Variants in DYSF observed in about 807,000 individuals in gnomAD.
DYSF encodes the protein dystrophy-associated fer-1-like 1.
Under a neutral mutation model 274.9 loss-of-function variants are expected in DYSF, and 212 were observed. The ratio of observed to expected loss-of-function variants is 0.77; its 90% CI spans 0.69 to 0.86. DYSF has a LOEUF of 0.86. Ranked by LOEUF, DYSF falls within the 40% of genes least tolerant of loss-of-function variation. The pLI is 0.00. For synonymous variants in DYSF, 1,091 were observed against 1,078.7 expected (o/e 1.01, Z -0.22); for missense variants, 2,666 against 2,783.2 (o/e 0.96, Z 0.95).
At chr2:71,567,174 A>G (rs1395837299) in intron 24 of DYSF, among the ~76,000 whole-genome samples, 1 of 152,168 alleles carries the variant, frequency 6.6e-6, no homozygotes, top group Non-Finnish European at 1.5e-5. Flanking sequence ...TTTTTGTTTC[A>G]TGTTGGGTTG....
In DYSF at chr2:71,520,313, T is replaced by C. The variant is rs778182285; in HGVS notation, c.1033+105T>C. On this transcript the variant is annotated intron_variant, in intron 11 of 55. Transcript: ENST00000410020. ...TGTCCCTCCTGGGGGTTTTAGAATC[T>C]AGAGGAAGGGTTTGATCTTGGGAGA... 3.1e-4 allele frequency: 385 copies of C among 1,246,318 alleles called. 1 individual carries two copies. The highest frequency in any genetic ancestry group is 3.9e-4 in the Non-Finnish European group (334 of 845,738). The allele number at this position is 1,246,318 out of a possible 1,614,324, so 77.2% of individuals were successfully genotyped here.
intron 17 of DYSF, among the ~76,000 whole-genome samples, chr2:71,543,924 AGGAGAG>A (rs200785100): frequency 0.036 from 5,074 of 139,804 alleles, 139 homozygotes; most frequent in Middle Eastern, 0.066. Flanking sequence ...GGGAGGGAGA[AGGAGAG>A]GGAGAGGGAG....
intron 22 of DYSF, among the ~76,000 whole-genome samples, chr2:71,558,683 A>T (rs2091501883): frequency 6.6e-6 from 1 of 152,064 alleles, no homozygotes; most frequent in Admixed American, 6.5e-5. Flanking sequence ...CTGCCTACAA[A>T]CAGTTCTGGC....
intron 45 of DYSF, among the ~76,000 whole-genome samples, chr2:71,662,293 A>C (rs963042389): frequency 8.5e-5 from 13 of 152,118 alleles, no homozygotes; most frequent in African/African-American, 2.9e-4. Flanking sequence ...TTCTGCTCAC[A>C]TTGAGCTCAG....
At chr2:71,514,731 TA>T (rs2086474857) in intron 7 of DYSF, among the ~76,000 whole-genome samples, 2 of 152,354 alleles carry the variant, frequency 1.3e-5, no homozygotes, top group Admixed American at 6.5e-5. Context: ...ATTTCTATTC[TA>T]AATCATGGTA....
chr2:71,628,732 T>C (rs2094256807), intron 41 of DYSF, among the ~76,000 whole-genome samples: 1 of 152,070 alleles, frequency 6.6e-6, no homozygotes, highest in African/African-American at 2.4e-5. Flanking sequence ...AGGCAGATCA[T>C]TGAGCTCAGG....
chr2:71,460,261 A>G (rs1243264797), intron 1 of DYSF, among the ~76,000 whole-genome samples: 1 of 152,160 alleles, frequency 6.6e-6, no homozygotes, highest in African/African-American at 2.4e-5. Context: ...GCCTCTGTCT[A>G]TATTCCAGCC....
At chr2:71,496,415 G>A (rs966071407) in intron 3 of DYSF, among the ~76,000 whole-genome samples, 4 of 152,102 alleles carry the variant, frequency 2.6e-5, no homozygotes, top group African/African-American at 9.7e-5. Context: ...GGGAACACGG[G>A]GACAAGCGCC....
intron 51 of DYSF, among the ~76,000 whole-genome samples, chr2:71,672,826 A>G (rs1467820671): frequency 6.6e-6 from 1 of 152,172 alleles, no homozygotes; most frequent in Admixed American, 6.5e-5. Context: ...TGGGGCCCGG[A>G]AAAGGGGGGA....
rs572409104 is a variant in DYSF, at chr2:71,615,633, C to T, written c.4464+2223C>T. Reference sequence around the variant, plus strand: ...GAAATCTTTCACTCACTCGCCTCTCCTCCCTGTCCCTGGCACTCTGAAGGA... The same window carrying T: ...GAAATCTTTCACTCACTCGCCTCTCTTCCCTGTCCCTGGCACTCTGAAGGA... On this transcript the variant is annotated intron_variant, in intron 40 of 55. Coordinates refer to ENST00000410020, the MANE Select transcript of DYSF (RefSeq NM_001130987.2). The surrounding 1 kb of genome is among the most constrained non-coding windows in gnomAD (Gnocchi z 4.9). 3.3e-5 allele frequency among the ~76,000 whole-genome samples: 5 copies of T among 152,324 alleles called. No individual in the cohort carries two copies. Among genetic ancestry groups the T allele is most frequent in the African/African-American group, 7.2e-5 (3 of 41,578 alleles).
Position 71,516,919 on chromosome 2 carries a change from G to A in DYSF, c.952-70G>A, listed in dbSNP as rs111279933. On this transcript the variant is annotated intron_variant, in intron 9 of 55. Transcript: ENST00000410020. ...TTGGCAGTTATTGTTTGGGAGGGAA[G>A]AGCTATTGGGTTGGCCGTGTGGGCC... The A allele has an allele frequency of 2.4e-4, 331 of 1,365,784 alleles. 1 individual carries two copies. In the African/African-American group the frequency reaches 4.1e-3, roughly 17 times the overall value. 84.6% of individuals were successfully genotyped at this position (1,365,784 alleles called of 1,614,324 possible).
chr2:71,460,885 G>C (rs899867697), intron 1 of DYSF, among the ~76,000 whole-genome samples: 1 of 151,392 alleles, frequency 6.6e-6, no homozygotes, highest in African/African-American at 2.4e-5. Flanking sequence ...AGCTGGGGTA[G>C]GGTGGGGTAT....
At chr2:71,667,840 A>AT (rs1197736805) in intron 48 of DYSF, among the ~76,000 whole-genome samples, 33 of 152,144 alleles carry the variant, frequency 2.2e-4, no homozygotes, top group African/African-American at 7.9e-4. Flanking sequence ...GGATTCCCCC[A>AT]TCCAACCACT....
chr2:71,563,671 T>C (rs1392428929), intron 23 of DYSF, among the ~76,000 whole-genome samples: 1 of 152,150 alleles, frequency 6.6e-6, no homozygotes. Context: ...AGGCGTAATG[T>C]TACCTCCCTG....
intron 45 of DYSF, among the ~76,000 whole-genome samples, chr2:71,661,083 C>T (rs1166408146): frequency 6.5e-5 from 9 of 138,514 alleles, no homozygotes; most frequent in Admixed American, 3.1e-4. Flanking sequence ...AACTACTGCA[C>T]TCCAGCCTGG....
At chr2:71,645,621 A>G (rs866374480) in intron 42 of DYSF, among the ~76,000 whole-genome samples, 10 of 125,808 alleles carry the variant, frequency 7.9e-5, no homozygotes, top group Middle Eastern at 7.8e-3. Flanking sequence ...GCAAGAAAAC[A>G]GAAATGCCTG....
Position 71,590,146 on chromosome 2 carries a change from C to T in DYSF, c.3497-65C>T, listed in dbSNP as rs1193851805. On this transcript the variant is annotated intron_variant, in intron 31 of 55. Transcript: ENST00000410020. ...TCTAGGGACAGACTCCACCTCCCCCCGAGCCCCAGCTCTTAACCACTCCAG... is the reference window on the plus strand; with the variant it reads ...TCTAGGGACAGACTCCACCTCCCCCTGAGCCCCAGCTCTTAACCACTCCAG... 52 of 1,547,662 alleles carry T rather than the reference C, an allele frequency of 3.4e-5. No individual in the cohort carries two copies. In the East Asian group the frequency reaches 5.8e-4, roughly 17 times the overall value.
intron 46 of DYSF, 43 bp downstream of exon 46, chr2:71,664,481 C>T (rs1366724038): frequency 1.2e-6 from 2 of 1,609,098 alleles, no homozygotes; most frequent in South Asian, 1.1e-5. Flanking sequence ...TGACAACACA[C>T]CACCCCTGTC....
intron 42 of DYSF, among the ~76,000 whole-genome samples, chr2:71,645,025 G>A (rs992870147): frequency 5.9e-5 from 9 of 152,154 alleles, no homozygotes; most frequent in African/African-American, 2.4e-5. Flanking sequence ...GGCAGGTTGT[G>A]GGGCTCCAAC....
Sources: gnomAD v4.1 joint callset for allele counts (sites outside exome capture counted in the v4.1 genomes callset) on GRCh38, gnomAD v4.1.1 for gene constraint, Gnocchi (gnomAD v3.1) non-coding constraint, MANE v1.5 for transcripts, NCBI Gene and HGNC (gene_info 2026-07-23, HGNC 2026-07-21) for gene names.